The following C9 variants were observed in gnomAD, a reference collection of about 807,000 sequenced individuals.
C9 encodes complement component C9.
Under a neutral mutation model 65.4 loss-of-function variants are expected in C9, and 63 were observed. The ratio of observed to expected loss-of-function variants is 0.96; its 90% CI spans 0.79 to 1.19. The LOEUF is 1.19. Among genes scored for constraint, C9 ranks in the 50% most tolerant of loss-of-function variants. The pLI, the probability that C9 is intolerant of heterozygous loss-of-function variation, is 0.00. For missense variants in C9, 744 were observed against 670.1 expected, an observed-to-expected ratio of 1.11 and a Z score of -1.22; for synonymous variants, 229 against 227.9, an observed-to-expected ratio of 1.00 and a Z score of -0.04.
At chr5:39,328,605 A>G (rs1390482237) in intron 5 of C9, among the ~76,000 whole-genome samples, 1 of 152,226 alleles carries the variant, frequency 6.6e-6, no homozygotes, top group South Asian at 2.1e-4. Flanking sequence ...AATGTAGTCA[A>G]AATGGATCTA....
chr5:39,318,726 G>C (rs1225254751), intron 5 of C9, among the ~76,000 whole-genome samples: 1 of 151,984 alleles, frequency 6.6e-6, no homozygotes, highest in Non-Finnish European at 1.5e-5. Context: ...ATTTAGTATT[G>C]AGTGGTTGTT....
intron 7 of C9, among the ~76,000 whole-genome samples, chr5:39,309,469 T>C (rs916681261): frequency 6.6e-6 from 1 of 152,134 alleles, no homozygotes; most frequent in African/African-American, 2.4e-5. Flanking sequence ...AGTGAGAACT[T>C]AGAAATTATC....
chr5:39,317,141 T>A (rs1341844174), intron 5 of C9, among the ~76,000 whole-genome samples: 1 of 152,248 alleles, frequency 6.6e-6, no homozygotes, highest in South Asian at 2.1e-4. Flanking sequence ...CACATGAATG[T>A]CTTCTTTTGA....
chr5:39,316,844 T>C (rs1753577587), intron 5 of C9, among the ~76,000 whole-genome samples: 1 of 152,156 alleles, frequency 6.6e-6, no homozygotes, highest in Non-Finnish European at 1.5e-5. Context: ...ATGATTTCTA[T>C]TCTTTTGGAT....
intron 1 of C9, among the ~76,000 whole-genome samples, chr5:39,347,640 T>C (rs1001644181): frequency 6.6e-6 from 1 of 152,170 alleles, no homozygotes; most frequent in Admixed American, 6.5e-5. Context: ...AAGCTACCAA[T>C]GACTTTCTTC....
chr5:39,352,034 G>T (rs1579880095), intron 1 of C9, among the ~76,000 whole-genome samples: 1 of 152,180 alleles, frequency 6.6e-6, no homozygotes, highest in African/African-American at 2.4e-5. Context: ...AGATTGTATA[G>T]GAGGCATGGC....
At chr5:39,329,880 T>A (rs1753812552) in intron 5 of C9, among the ~76,000 whole-genome samples, 1 of 152,206 alleles carries the variant, frequency 6.6e-6, no homozygotes, top group Admixed American at 6.5e-5. Context: ...AAAGTAGATA[T>A]TTCCCCTCAT....
intron 1 of C9, among the ~76,000 whole-genome samples, chr5:39,359,878 C>A (rs962849700): frequency 6.6e-6 from 1 of 152,204 alleles, no homozygotes; most frequent in Non-Finnish European, 1.5e-5. Context: ...CCTGACACAA[C>A]GTCTGGCTCA....
At position 39,324,995 on chromosome 5, in the gene C9, T is replaced by C. The variant is rs150235307; in HGVS notation, c.615+6681A>G. Among the ~76,000 whole-genome samples, 426 of 152,264 alleles carry C rather than the reference T, an allele frequency of 2.8e-3. 2 individuals carry two copies. Among genetic ancestry groups the C allele is most frequent in the Middle Eastern group, 0.01 (3 of 292 alleles). On this transcript the variant is annotated intron_variant, in intron 5 of 10. Coordinates refer to ENST00000263408, the MANE Select transcript of C9 (RefSeq NM_001737.5). ...AATACTCCTTGAAAAGAAATAAACA[T>C]TGCTTATGGCACTAAAAATGGAAGA...
chr5:39,304,365 C>G (rs1047456495), intron 9 of C9, among the ~76,000 whole-genome samples: 2 of 152,072 alleles, frequency 1.3e-5, no homozygotes, highest in Non-Finnish European at 2.9e-5. Context: ...AAAAGACTAT[C>G]CCCTATGTTT....
chr5:39,328,119 TGGAGTGGGATCCA>T (rs200908789), intron 5 of C9, among the ~76,000 whole-genome samples: 1 of 152,174 alleles, frequency 6.6e-6, no homozygotes, highest in East Asian at 1.9e-4. Flanking sequence ...GCAATGTACT[TGGAGTGGGATCCA>T]GGCTAGGGAA....
At chr5:39,295,585 G>C (rs1253205489) in intron 9 of C9, among the ~76,000 whole-genome samples, 1 of 151,464 alleles carries the variant, frequency 6.6e-6, no homozygotes, top group Non-Finnish European at 1.5e-5. Context: ...TCCAGGCTTC[G>C]GCCTTACTAC....
chr5:39,303,363 C>G (rs3776537), intron 9 of C9, among the ~76,000 whole-genome samples: 17,210 of 151,824 alleles, frequency 0.11, 1,246 homozygotes, highest in African/African-American at 0.2. Context: ...TTGGGCTGGG[C>G]CAAGACATTC....
At chr5:39,334,566 T>TG (rs1333255321) in intron 4 of C9, among the ~76,000 whole-genome samples, 12 of 125,864 alleles carry the variant, frequency 9.5e-5, no homozygotes, top group South Asian at 2.4e-4. Context: ...GGGAGGGAGG[T>TG]GGGGGGGTCA....
intron 7 of C9, among the ~76,000 whole-genome samples, chr5:39,309,243 T>A (rs1057510777): frequency 1.3e-5 from 2 of 152,102 alleles, no homozygotes; most frequent in Admixed American, 6.6e-5. Flanking sequence ...TTTTTGCCGT[T>A]ATTTATCATT....
At chr5:39,346,730 T>G (rs192631518) in intron 1 of C9, among the ~76,000 whole-genome samples, 1 of 152,174 alleles carries the variant, frequency 6.6e-6, no homozygotes, top group Admixed American at 6.5e-5. Flanking sequence ...AAAGAGAATT[T>G]TAGACCAATA....
At chr5:39,307,815 A>C (rs1452329254) in intron 8 of C9, among the ~76,000 whole-genome samples, 1 of 152,172 alleles carries the variant, frequency 6.6e-6, no homozygotes, top group East Asian at 1.9e-4. Context: ...AGGGATTTCA[A>C]TTTAGATGGA....
intron 1 of C9, among the ~76,000 whole-genome samples, chr5:39,343,621 C>T (rs1754133158): frequency 6.6e-6 from 1 of 152,230 alleles, no homozygotes; most frequent in African/African-American, 2.4e-5. Context: ...AAATAAAAGG[C>T]AGCAGAAACC....
chr5:39,359,018 AT>A (rs1170451143), intron 1 of C9, among the ~76,000 whole-genome samples: 1,996 of 14,010 alleles, frequency 0.14, 35 homozygotes, highest in African/African-American at 0.17. Context: ...TAAATAAAAA[AT>A]ATATATATAT....
Sources: allele counts gnomAD v4.1 joint callset (sites outside exome capture counted in the v4.1 genomes callset), GRCh38; gene constraint gnomAD v4.1.1; transcripts MANE v1.5; gene names NCBI Gene and HGNC (gene_info 2026-07-23, HGNC 2026-07-21).